Variants in ACSM3 observed in about 807,000 individuals in gnomAD.
ACSM3 encodes acyl-CoA synthetase medium chain family member 3.
In ACSM3, 61 loss-of-function variants were observed where a neutral mutation model predicts 74.1. That is an observed-to-expected ratio of 0.82 (90% CI 0.67 to 1.02). ACSM3 has a LOEUF of 1.02. Among genes scored for constraint, ACSM3 ranks in the 50% least tolerant of loss-of-function variants. ACSM3 has a pLI of 0.00. For missense variants in ACSM3, 660 were observed against 697.0 expected (o/e 0.95, Z 0.60); for synonymous variants, 213 against 241.5 (o/e 0.88, Z 1.09).
chr16:20,692,229 C>T (rs2079660796), intron 1 of ACSM3, among the ~76,000 whole-genome samples: 1 of 152,154 alleles, frequency 6.6e-6, no homozygotes, highest in Non-Finnish European at 1.5e-5. Flanking sequence ...CGTGACACAG[C>T]CCTCAGGAAA....
chr16:20,754,855 T>G (rs1478586642), intron 2 of ACSM3, among the ~76,000 whole-genome samples: 1 of 152,058 alleles, frequency 6.6e-6, no homozygotes, highest in African/African-American at 2.4e-5. Context: ...GGGAGAGCAG[T>G]ACAAAGAATC....
intron 1 of ACSM3, among the ~76,000 whole-genome samples, chr16:20,731,374 T>C (rs1340729456): frequency 6.6e-6 from 1 of 152,210 alleles, no homozygotes; most frequent in Non-Finnish European, 1.5e-5. Context: ...TAAATACATG[T>C]GTGACCTGTA....
At chr16:20,700,913 G>A (rs143068833) in intron 1 of ACSM3, among the ~76,000 whole-genome samples, 4 of 152,220 alleles carry the variant, frequency 2.6e-5, no homozygotes, top group Non-Finnish European at 5.9e-5. Context: ...CAGTCGGGAG[G>A]CTACTGCAAT....
At chr16:20,699,034 T>G (rs1158738876) in intron 1 of ACSM3, 1 of 152,226 alleles carries the variant, frequency 6.6e-6, no homozygotes, top group African/African-American at 2.4e-5. Flanking sequence ...CCCAAAGTCT[T>G]GAGCTTAATT....
At chr16:20,741,481 G>GGGGGGGGGGGGGGGCCC in intron 1 of ACSM3, 9 of 1,308,414 alleles carry the variant, frequency 6.9e-6, no homozygotes, top group East Asian at 3.2e-5. Context: ...CTGGCAGCCG[G>GGGGGGGGGGGGGGGCCC]CCCGCCCGCC....
At chr16:20,743,250 GT>G (rs1327978089) in intron 1 of ACSM3, among the ~76,000 whole-genome samples, 1 of 151,976 alleles carries the variant, frequency 6.6e-6, no homozygotes, top group Non-Finnish European at 1.5e-5. Flanking sequence ...ATTTTGTCTT[GT>G]TTTTTCCCCT....
At chr16:20,747,322 T>TA (rs1168596046) in intron 1 of ACSM3, among the ~76,000 whole-genome samples, 3 of 152,240 alleles carry the variant, frequency 2.0e-5, no homozygotes, top group African/African-American at 7.2e-5. Flanking sequence ...TGTTTTTCCC[T>TA]TCTGTACAGC....
intron 1 of ACSM3, among the ~76,000 whole-genome samples, chr16:20,768,428 T>A (rs535446142): frequency 1.3e-5 from 2 of 152,186 alleles, no homozygotes; most frequent in Admixed American, 6.5e-5. Flanking sequence ...ATTCAGTAGA[T>A]CTAGAGTGGG....
chr16:20,706,616 A>T (rs1381646315), intron 1 of ACSM3, among the ~76,000 whole-genome samples: 2 of 152,162 alleles, frequency 1.3e-5, no homozygotes, highest in African/African-American at 4.8e-5. Flanking sequence ...GGTGGTCCTA[A>T]CCCCAGATTT....
chr16:20,717,725 A>G (rs1193825180), intron 1 of ACSM3, among the ~76,000 whole-genome samples: 1 of 152,122 alleles, frequency 6.6e-6, no homozygotes, highest in Non-Finnish European at 1.5e-5. Context: ...AAAATCTTAC[A>G]ATAGATAAAA....
chr16:20,736,866 C>T (rs1567329709), intron 1 of ACSM3: 1 of 1,610,154 alleles, frequency 6.2e-7, no homozygotes, highest in Non-Finnish European at 8.5e-7. Flanking sequence ...CCACCTCCAA[C>T]ACCAAATGAC....
intron 1 of ACSM3, among the ~76,000 whole-genome samples, chr16:20,723,887 A>C (rs2079795239): frequency 1.3e-5 from 2 of 152,226 alleles, no homozygotes; most frequent in African/African-American, 4.8e-5. Flanking sequence ...TAGTTTAATT[A>C]GATCCCATTT....
intron 12 of ACSM3, chr16:20,792,676 C>T (rs1444922225): frequency 1.0e-6 from 1 of 985,216 alleles, no homozygotes; most frequent in Non-Finnish European, 1.2e-6. Flanking sequence ...CAAATTGTTA[C>T]CCAGAAGGTC....
intron 1 of ACSM3, among the ~76,000 whole-genome samples, chr16:20,704,630 A>G (rs2079721883): frequency 6.6e-6 from 1 of 152,218 alleles, no homozygotes; most frequent in Non-Finnish European, 1.5e-5. Context: ...TTGTCCTGAG[A>G]ACTCTTAATA....
chr16:20,695,708 T>TA (rs1470949617), intron 1 of ACSM3, among the ~76,000 whole-genome samples: 1 of 152,166 alleles, frequency 6.6e-6, no homozygotes, highest in African/African-American at 2.4e-5. Flanking sequence ...TCTATCTAGA[T>TA]ATATAAGAAC....
At chr16:20,737,962 GAAAAA>G (rs751523219) in intron 1 of ACSM3, 2 of 1,255,392 alleles carry the variant, frequency 1.6e-6, no homozygotes, top group Non-Finnish European at 2.1e-6. Context: ...AGGCTCTTAA[GAAAAA>G]AAAAAAGTTA....
At chr16:20,739,019 G>GCAT (rs2079894936) in intron 1 of ACSM3, 2 of 1,613,964 alleles carry the variant, frequency 1.2e-6, no homozygotes, top group Admixed American at 1.7e-5. Flanking sequence ...GGCAGCCTCC[G>GCAT]CATCATCATC....
At chr16:20,796,650 T>C in intron 13 of ACSM3, 161 bp downstream of exon 13, 6 of 1,483,316 alleles carry the variant, frequency 4.0e-6, no homozygotes, top group Non-Finnish European at 5.3e-6. Flanking sequence ...GAGATTAAAA[T>C]GAAACCCTGA....
At chr16:20,787,336 A>G (rs542770107) in intron 9 of ACSM3, among the ~76,000 whole-genome samples, 2 of 152,324 alleles carry the variant, frequency 1.3e-5, no homozygotes, top group Admixed American at 1.3e-4. Flanking sequence ...AAAGTTGGGA[A>G]ATAGTAAGTT....
Sources: allele counts gnomAD v4.1 joint callset (sites outside exome capture counted in the v4.1 genomes callset), GRCh38; gene constraint gnomAD v4.1.1; transcripts MANE v1.5; gene names NCBI Gene and HGNC (gene_info 2026-07-23, HGNC 2026-07-21).